Variants in POLR1C observed in about 807,000 individuals in gnomAD.
POLR1C encodes DNA-directed RNA polymerases I and III subunit RPAC1.
A neutral mutation model predicts 38.3 loss-of-function variants in POLR1C; 42 were observed. The observed-to-expected ratio is 1.10, with a 90% CI of 0.86 to 1.42. POLR1C has a LOEUF of 1.42. Among genes scored for constraint, POLR1C ranks in the 40% most tolerant of loss-of-function variants. The pLI is 0.00. For synonymous variants in POLR1C, 163 were observed against 163.9 expected, an observed-to-expected ratio of 0.99 and a Z score of 0.04; for missense variants, 507 against 450.5, an observed-to-expected ratio of 1.13 and a Z score of -1.14.
Position 43,517,351 on chromosome 6 carries a change from G to T in POLR1C, c.115G>T (p.Ala39Ser), listed in dbSNP as rs1232254622. Reference sequence around the variant, plus strand: ...CGGTAACTATTCCGGTTATGATGATGCCTGGGACCAGGACCGCTTCGAGAA... The same window carrying T: ...CGGTAACTATTCCGGTTATGATGATTCCTGGGACCAGGACCGCTTCGAGAA... ...FPGNYSGYDD[A>S]WDQDRFEKNF... The change falls in exon 2 of 9, where the codon GCC (alanine) becomes TCC (serine). Residue 39 changes from alanine (A) to serine (S), a missense_variant. Ala to Ser is a moderately conservative substitution (Grantham distance 99, BLOSUM62 1). Transcript: ENST00000642195. 1 of 1,613,976 alleles carries T rather than the reference G, an allele frequency of 6.2e-7. No individual in the cohort carries two copies. The highest frequency in any genetic ancestry group is 2.2e-5 in the East Asian group (1 of 44,898).
chr6:43,556,051 G>A (rs535811192), intron 10 of POLR1C: 4 of 1,530,210 alleles, frequency 2.6e-6, no homozygotes, highest in South Asian at 2.5e-5. Context: ...ACCACCCTAG[G>A]GGAAAAGCAT....
At chr6:43,526,493 A>C, downstream of POLR1C, 1 of 614,236 alleles carries the variant, frequency 1.6e-6, no homozygotes, top group Non-Finnish European at 2.9e-6. Context: ...TCTGAGACAG[A>C]GGAAACAGCA....
intron 10 of POLR1C, among the ~76,000 whole-genome samples, chr6:43,556,874 A>G (rs1010636463): frequency 6.6e-6 from 1 of 152,228 alleles, no homozygotes; most frequent in Non-Finnish European, 1.5e-5. Context: ...CACGCCTATA[A>G]TCCAGCACTT....
At chr6:43,536,394 AAC>A (rs1582207589) in intron 9 of POLR1C, among the ~76,000 whole-genome samples, 1 of 148,002 alleles carries the variant, frequency 6.8e-6, no homozygotes, top group African/African-American at 2.5e-5. Flanking sequence ...CAGCCTGCGC[AAC>A]ACAGTGAGAC....
At chr6:43,546,538 AAAC>A in intron 9 of POLR1C, 2 of 1,576,476 alleles carry the variant, frequency 1.3e-6, no homozygotes, top group Non-Finnish European at 1.7e-6. Flanking sequence ...GTAAAGTAGA[AAAC>A]AACAGAGAAA....
chr6:43,537,022 AGT>A (rs776056516), intron 9 of POLR1C, among the ~76,000 whole-genome samples: 4 of 152,128 alleles, frequency 2.6e-5, no homozygotes, highest in Non-Finnish European at 5.9e-5. Flanking sequence ...GCTGGATTGC[AGT>A]GGTGTGTTCA....
chr6:43,523,926 A>G, downstream of POLR1C: 2 of 1,614,052 alleles, frequency 1.2e-6, no homozygotes, highest in Admixed American at 1.7e-5. Context: ...CTCCGTCTCC[A>G]GCATTGGCTT....
intron 9 of POLR1C, among the ~76,000 whole-genome samples, chr6:43,542,179 G>A (rs1025104833): frequency 6.6e-6 from 1 of 151,836 alleles, no homozygotes; most frequent in African/African-American, 2.4e-5. Context: ...TCTCTAAGGA[G>A]CTTTCCAGAG....
intron 10 of POLR1C, chr6:43,561,268 A>C (rs186353357): frequency 2.6e-6 from 1 of 390,552 alleles, no homozygotes; most frequent in Admixed American, 4.1e-5. Context: ...AAAATAAAAA[A>C]CACTCATTTC....
intron 9 of POLR1C, chr6:43,538,751 T>G: frequency 1.8e-6 from 1 of 567,208 alleles, no homozygotes; most frequent in Non-Finnish European, 3.0e-6. Flanking sequence ...ATAAAATGAG[T>G]TATGGAGCAC....
downstream of POLR1C, chr6:43,525,226 A>G: frequency 1.3e-6 from 2 of 1,564,220 alleles, no homozygotes; most frequent in Non-Finnish European, 1.7e-6. Flanking sequence ...TGAACAGGAA[A>G]AGATGAAGAG....
At chr6:43,518,514 T>G (rs1348319413) in intron 2 of POLR1C, among the ~76,000 whole-genome samples, 1 of 152,084 alleles carries the variant, frequency 6.6e-6, no homozygotes, top group Non-Finnish European at 1.5e-5. Flanking sequence ...TGAGATAACA[T>G]TTTGGGAGTT....
intron 9 of POLR1C, among the ~76,000 whole-genome samples, chr6:43,545,123 T>G (rs1307133326): frequency 6.6e-6 from 1 of 152,030 alleles, no homozygotes; most frequent in African/African-American, 2.4e-5. Context: ...TTGACCCACC[T>G]TGGCCTCCCA....
chr6:43,526,587 C>A, intron 8 of POLR1C: 2 of 1,376,188 alleles, frequency 1.5e-6, no homozygotes, highest in Middle Eastern at 1.8e-4. Context: ...TGTAGGGTGT[C>A]TTCTCCTCAC....
chr6:43,547,575 C>T, intron 9 of POLR1C: 1 of 1,601,086 alleles, frequency 6.2e-7, no homozygotes, highest in Non-Finnish European at 8.6e-7. Flanking sequence ...TACCCATGGC[C>T]AATGCCACTT....
chr6:43,557,783 TAAAAA>T lies in POLR1C; in HGVS notation c.*49-3595_*49-3591del, dbSNP rs59661301. ...AATGAATTTTGTCTCAATAAAGCTG[TAAAAA>T]AAAAAAAAAAAAAAAAAAAAAGGAG... On this transcript the variant is annotated intron_variant, in intron 10 of 10. Coordinates refer to the POLR1C transcript ENST00000607635. Among the ~76,000 whole-genome samples the T allele has an allele frequency of 2.1e-4, 18 of 87,242 alleles. No individual in the cohort carries two copies. The South Asian group carries it at 5.0e-3, about 24-fold the overall frequency. The allele number at this position is 87,242 out of a possible 152,430, so 57.2% of individuals were successfully genotyped here. A position where few individuals can be genotyped will look rare whatever the true frequency, so the allele number is the denominator to read the frequency against.
chr6:43,520,392 A>C lies in POLR1C; in HGVS notation c.620A>C (p.Glu207Ala), dbSNP rs765894120. The stretch of plus-strand genomic sequence containing the variant: ...ATCGCTCAGCTGCGGCCTGGCCAAG[A>C]AATTGACCTGCTCATGCACTGTGTC... ...ILIAQLRPGQ[E>A]IDLLMHCVKG... The change falls in exon 6 of 9, where the codon GAA (glutamate) becomes GCA (alanine). Residue 207 changes from glutamate to alanine, a missense_variant. Glu to Ala is a moderately radical substitution (Grantham distance 107). Transcript: ENST00000642195. 7 of 1,613,800 alleles carry C rather than the reference A, an allele frequency of 4.3e-6. No homozygotes were observed. Among genetic ancestry groups the C allele is most frequent in the Non-Finnish European group, 5.1e-6 (6 of 1,180,044 alleles).
At chr6:43,538,856 T>C (rs1475470160) in intron 9 of POLR1C, 12 of 1,268,440 alleles carry the variant, frequency 9.5e-6, no homozygotes, top group African/African-American at 1.5e-5. Flanking sequence ...CTGGGTCTGC[T>C]GCACAGAGAC....
chr6:43,551,327 G>A, intron 10 of POLR1C: 1 of 1,613,800 alleles, frequency 6.2e-7, no homozygotes. Flanking sequence ...AGGAACTCTG[G>A]TCTGTAGGTG....
Sources: allele counts gnomAD v4.1 joint callset (sites outside exome capture counted in the v4.1 genomes callset), GRCh38; gene constraint gnomAD v4.1.1; transcripts MANE v1.5; gene names NCBI Gene and HGNC (gene_info 2026-07-23, HGNC 2026-07-21).